Variants in ABHD2 observed in about 807,000 individuals in gnomAD.
The protein encoded by ABHD2 is abhydrolase domain containing 2, acylglycerol lipase.
Under a neutral mutation model 48.1 loss-of-function variants are expected in ABHD2, and 20 were observed. The observed-to-expected ratio is 0.42, with a 90% confidence interval of 0.29 to 0.60. ABHD2 has a LOEUF of 0.60. Among genes scored for constraint, ABHD2 ranks in the 20% least tolerant of loss-of-function variants. The pLI, the probability that ABHD2 is intolerant of heterozygous loss-of-function variation, is 0.24. For missense variants in ABHD2, 405 were observed against 550.9 expected (o/e 0.74, Z 2.65); for synonymous variants, 209 against 214.2 (o/e 0.98, Z 0.21).
At chr15:89,084,674 G>T (rs181816355), upstream of ABHD2, among the ~76,000 whole-genome samples, 18 of 152,282 alleles carry the variant, frequency 1.2e-4, 1 homozygote, top group East Asian at 3.5e-3. The surrounding 1 kb of genome is among the most constrained non-coding windows in gnomAD (Gnocchi z 4.4). Flanking sequence ...ACTTCTGAGG[G>T]CTAGAACTTA....
intron 10 of ABHD2, 85 bp downstream of exon 10, chr15:89,193,404 T>TGGA: frequency 6.6e-6 from 7 of 1,057,936 alleles, no homozygotes; most frequent in Non-Finnish European, 1.0e-5. Context: ...TGTCATCTCC[T>TGGA]GGAGACCACC....
the ABHD2 span, among the ~76,000 whole-genome samples, chr15:89,049,144 G>T: frequency 1.3e-5 from 2 of 152,006 alleles, no homozygotes; most frequent in Non-Finnish European, 2.9e-5. Context: ...GTACCCGGCC[G>T]GCCGTGTGAG....
chr15:89,154,601 A>G (rs2050641871), intron 4 of ABHD2, among the ~76,000 whole-genome samples: 1 of 152,144 alleles, frequency 6.6e-6, no homozygotes, highest in South Asian at 2.1e-4. Flanking sequence ...AAATATAGAT[A>G]TCTTTTTTTT....
At chr15:89,129,627 T>G (rs1182876933) in intron 3 of ABHD2, among the ~76,000 whole-genome samples, 2 of 152,100 alleles carry the variant, frequency 1.3e-5, no homozygotes, top group Admixed American at 6.5e-5. Flanking sequence ...GTTAGCGAGC[T>G]GTTGCCCCCC....
At chr15:89,124,365 A>G (rs984079037) in intron 3 of ABHD2, among the ~76,000 whole-genome samples, 2 of 152,250 alleles carry the variant, frequency 1.3e-5, no homozygotes, top group African/African-American at 2.4e-5. Flanking sequence ...ATCTTAAAGC[A>G]TCAGGCAAAT....
At position 89,164,382 on chromosome 15, in the gene ABHD2, TAG is replaced by T. The variant is rs1410566852; in HGVS notation, c.538+8856_538+8857del. On this transcript the variant is annotated intron_variant, in intron 5 of 10. Coordinates refer to ENST00000352732, the MANE Select transcript of ABHD2 (RefSeq NM_152924.5). The surrounding 1 kb of genome is among the most constrained non-coding windows in gnomAD (Gnocchi z 5.0). Reference sequence around the variant, plus strand: ...AATCTCCTCCATCTAGTGTATCACTTAGAGAGAGATGGTCAGGAAAGGCCTGC... The same window carrying T: ...AATCTCCTCCATCTAGTGTATCACTTAGAGAGATGGTCAGGAAAGGCCTGC... 6.6e-6 allele frequency among the ~76,000 whole-genome samples: 1 copy of T among 152,186 alleles called. No homozygotes were observed. Among genetic ancestry groups the T allele is most frequent in the African/African-American group, 2.4e-5 (1 of 41,434 alleles).
chr15:89,121,016 C>G (rs754657040), intron 3 of ABHD2, among the ~76,000 whole-genome samples: 9 of 152,198 alleles, frequency 5.9e-5, no homozygotes, highest in Non-Finnish European at 1.2e-4. Context: ...AACATTCACC[C>G]ATGCTGCTAC....
intron 1 of ABHD2, among the ~76,000 whole-genome samples, chr15:89,089,066 G>C (rs1237492456): frequency 1.3e-5 from 2 of 152,270 alleles, no homozygotes; most frequent in Non-Finnish European, 1.5e-5. Flanking sequence ...CCACTTGGAA[G>C]CACATTTACC....
In ABHD2 at chr15:89,134,152, A is replaced by G. The variant is rs559309757; in HGVS notation, c.195-17525A>G. The stretch of plus-strand genomic sequence containing the variant: ...GGCGCCCGGCCGCATAATTTTTTTT[A>G]ATGTTTGCATAATTAAATTTTTCAA... On this transcript the variant is annotated intron_variant, in intron 3 of 10. Coordinates refer to ENST00000352732, the MANE Select transcript of ABHD2 (RefSeq NM_152924.5). Among the ~76,000 whole-genome samples the G allele has an allele frequency of 4.6e-5, 7 of 152,044 alleles. No individual in the cohort carries two copies. The South Asian group carries it at 1.5e-3, about 32-fold the overall frequency.
chr15:89,130,957 C>G (rs1402911440), intron 3 of ABHD2, among the ~76,000 whole-genome samples: 1 of 152,198 alleles, frequency 6.6e-6, no homozygotes, highest in East Asian at 1.9e-4. Context: ...CCACAGGCAG[C>G]AGCCTGTGTC....
intron 6 of ABHD2, among the ~76,000 whole-genome samples, chr15:89,180,412 T>C (rs369223262): frequency 6.6e-6 from 1 of 152,164 alleles, no homozygotes; most frequent in African/African-American, 2.4e-5. Flanking sequence ...TAGTCTGAAG[T>C]CCATCTTTCT....
chr15:89,047,128 T>C, the ABHD2 span, among the ~76,000 whole-genome samples: 11 of 152,008 alleles, frequency 7.2e-5, no homozygotes, highest in African/African-American at 2.7e-4. Context: ...AAGAACATCT[T>C]TATTTCTGCC....
At chr15:89,159,047 T>C (rs149979266) in intron 5 of ABHD2, among the ~76,000 whole-genome samples, 2 of 152,114 alleles carry the variant, frequency 1.3e-5, no homozygotes, top group East Asian at 3.9e-4. Context: ...ATAAATAAGA[T>C]GTGTTCTGCC....
chr15:89,135,906 G>A, intron 3 of ABHD2: 1 of 603,840 alleles, frequency 1.7e-6, no homozygotes. Context: ...AGGCCTCTTG[G>A]GTGCACTGGG....
chr15:89,119,449 ACT>A (rs1304117026), intron 3 of ABHD2, among the ~76,000 whole-genome samples: 7 of 151,900 alleles, frequency 4.6e-5, no homozygotes, highest in Admixed American at 3.9e-4. Flanking sequence ...TCACATTACC[ACT>A]CTCTTTTGTC....
At chr15:89,148,490 T>C (rs2050535032) in intron 3 of ABHD2, among the ~76,000 whole-genome samples, 1 of 152,220 alleles carries the variant, frequency 6.6e-6, no homozygotes, top group African/African-American at 2.4e-5. Flanking sequence ...CTTTCCTTCG[T>C]TATTGGTGGG....
rs559362885 is a variant in ABHD2 at position 89,155,467 on chromosome 15, C to T, written c.471C>T (p.Cys157=). Residue 157 remains cysteine, a synonymous_variant, in exon 5 of 11, where the codon TGC becomes TGT. Transcript: ENST00000352732. The surrounding 1 kb of genome is among the most constrained non-coding windows in gnomAD (Gnocchi z 4.9). ...VDYAQKNGYR[C]AVLNHLGALP... ...ACGCCCAGAAAAATGGCTATCGGTG[C>T]GCCGTGCTGAACCACCTGGGTGCCC... 1.2e-5 allele frequency: 19 copies of T among 1,614,134 alleles called. No individual in the cohort carries two copies. The highest frequency in any genetic ancestry group is 1.4e-5 in the Non-Finnish European group (17 of 1,180,008).
the ABHD2 span, among the ~76,000 whole-genome samples, chr15:89,080,698 T>C: frequency 0.011 from 1,713 of 151,034 alleles, 31 homozygotes; most frequent in African/African-American, 0.039. Context: ...AGGAGACTTT[T>C]TTTTTTTTTT....
rs1449621910 is a variant in ABHD2 at position 89,091,175 on chromosome 15, C to T, written c.-107+2612C>T. Among the ~76,000 whole-genome samples, 1 of 152,132 alleles carries T rather than the reference C, an allele frequency of 6.6e-6. No homozygotes were observed. The highest frequency in any genetic ancestry group is 1.5e-5 in the Non-Finnish European group (1 of 68,032). ...CGCCTGCGTGGGTCTGACAAATAGG[C>T]ACTCTCAGTGTGCCAGCCAATTCCC... On this transcript the variant is annotated intron_variant, in intron 1 of 10. Transcript: ENST00000352732. The surrounding 1 kb of genome is among the most constrained non-coding windows in gnomAD (Gnocchi z 5.5).
Sources: gnomAD v4.1 joint callset for allele counts (sites outside exome capture counted in the v4.1 genomes callset) on GRCh38, gnomAD v4.1.1 for gene constraint, Gnocchi (gnomAD v3.1) non-coding constraint, MANE v1.5 for transcripts, NCBI Gene and HGNC (gene_info 2026-07-23, HGNC 2026-07-21) for gene names.